Variants in PIEZO2 observed in about 807,000 individuals in gnomAD.
PIEZO2 encodes the protein piezo-type mechanosensitive ion channel component 2.
Under a neutral mutation model 337.3 loss-of-function variants are expected in PIEZO2, and 172 were observed. That is an observed-to-expected ratio of 0.51 (90% CI 0.45 to 0.58). PIEZO2 has a LOEUF of 0.58. Ranked by LOEUF, PIEZO2 falls within the 20% of genes least tolerant of loss-of-function variation. The pLI, the probability that PIEZO2 is intolerant of heterozygous loss-of-function variation, is 0.00. For missense variants in PIEZO2, 3,028 were observed against 3,391.3 expected, an observed-to-expected ratio of 0.89 and a Z score of 2.66; for synonymous variants, 1,251 against 1,228.5, an observed-to-expected ratio of 1.02 and a Z score of -0.38.
chr18:10,941,549 A>G (rs2032725017), intron 3 of PIEZO2, among the ~76,000 whole-genome samples: 1 of 152,238 alleles, frequency 6.6e-6, no homozygotes, highest in South Asian at 2.1e-4. Flanking sequence ...ATTGCCTAGT[A>G]GAAGCAAACA....
At position 11,048,624 on chromosome 18, in the gene PIEZO2, A is replaced by G. The variant is rs533979609; in HGVS notation, c.160+17503T>C. Among the ~76,000 whole-genome samples, 3 of 152,232 alleles carry G rather than the reference A, an allele frequency of 2.0e-5. No homozygotes were observed. The highest frequency in any genetic ancestry group is 4.4e-5 in the Non-Finnish European group (3 of 68,038). ...GGGAAATGCTTATATAGATAACTGAATTATTTATATTAGAAGCTTTCACTC... is the reference window on the plus strand; with the variant it reads ...GGGAAATGCTTATATAGATAACTGAGTTATTTATATTAGAAGCTTTCACTC... On this transcript the variant is annotated intron_variant, in intron 2 of 55. Transcript: ENST00000674853. The surrounding 1 kb of genome is among the most constrained non-coding windows in gnomAD (Gnocchi z 4.5).
chr18:11,024,876 T>C (rs2036475865), intron 2 of PIEZO2, among the ~76,000 whole-genome samples: 1 of 151,592 alleles, frequency 6.6e-6, no homozygotes, highest in Admixed American at 6.6e-5. Flanking sequence ...TGATCTTAGG[T>C]GATCTGCCCC....
chr18:11,068,862 A>G (rs892163978), intron 1 of PIEZO2, among the ~76,000 whole-genome samples: 2 of 152,180 alleles, frequency 1.3e-5, no homozygotes, highest in African/African-American at 4.8e-5. Context: ...TCACATGAGT[A>G]TAAAGGATTA....
intron 14 of PIEZO2, among the ~76,000 whole-genome samples, chr18:10,790,536 G>A (rs116558341): frequency 1.6e-4 from 24 of 152,218 alleles, no homozygotes; most frequent in African/African-American, 5.8e-4. Context: ...TTTTTACATT[G>A]TGGTATACTA....
chr18:10,821,753 T>C lies in PIEZO2; in HGVS notation c.918-14479A>G, dbSNP rs1174169495. ...TCCCTGTCTCTCACCATTTACAACATAGACCTCAGGTGAACATACATCCTC... is the reference window on the plus strand; with the variant it reads ...TCCCTGTCTCTCACCATTTACAACACAGACCTCAGGTGAACATACATCCTC... On this transcript the variant is annotated intron_variant, in intron 7 of 55. Transcript: ENST00000674853. The surrounding 1 kb of genome is among the most constrained non-coding windows in gnomAD (Gnocchi z 4.2). 1.3e-5 allele frequency among the ~76,000 whole-genome samples: 2 copies of C among 152,182 alleles called. No individual in the cohort carries two copies.
At chr18:11,044,827 T>G (rs80294999) in intron 2 of PIEZO2, among the ~76,000 whole-genome samples, 52 of 152,254 alleles carry the variant, frequency 3.4e-4, no homozygotes, top group African/African-American at 1.2e-3. Flanking sequence ...CAATACATAA[T>G]CTTGTGTTAT....
At chr18:11,056,982 T>A (rs78314742) in intron 2 of PIEZO2, among the ~76,000 whole-genome samples, 1 of 152,226 alleles carries the variant, frequency 6.6e-6, no homozygotes, top group African/African-American at 2.4e-5. Flanking sequence ...ATTCTGTGCA[T>A]TGAATGAAGA....
At position 10,682,406 on chromosome 18, in the gene PIEZO2, C is replaced by T; in HGVS notation, c.7498-114G>A. The T allele has an allele frequency of 1.1e-6, 1 of 931,936 alleles. No homozygotes were observed. Among genetic ancestry groups the T allele is most frequent in the Non-Finnish European group, 1.6e-6 (1 of 636,962 alleles). The allele number at this position is 931,936 out of a possible 1,614,324, so 57.7% of individuals were successfully genotyped here. A position where few individuals can be genotyped will look rare whatever the true frequency, so the allele number is the denominator to read the frequency against. ...TGTGGTGCTGGGAACATGGATTTGG[C>T]CCTGAATCTTCTCTGTTCGCTCTGA... On this transcript the variant is annotated intron_variant, in intron 49 of 55. Transcript: ENST00000674853. The surrounding 1 kb of genome is among the most constrained non-coding windows in gnomAD (Gnocchi z 5.6).
intron 11 of PIEZO2, 94 bp downstream of exon 11, chr18:10,800,243 T>TA: frequency 1.4e-6 from 2 of 1,449,266 alleles, no homozygotes; most frequent in Non-Finnish European, 1.8e-6. Context: ...ATACAGTTTT[T>TA]AAAAAAATAA....
intron 1 of PIEZO2, among the ~76,000 whole-genome samples, chr18:11,089,535 A>G (rs9954447): frequency 0.57 from 86,835 of 152,032 alleles, 26,252 homozygotes; most frequent in African/African-American, 0.78. Flanking sequence ...AAGACAGGCA[A>G]GGAGGGCAGC....
intron 7 of PIEZO2, among the ~76,000 whole-genome samples, chr18:10,814,259 G>A (rs540266012): frequency 5.9e-5 from 9 of 151,668 alleles, no homozygotes; most frequent in Non-Finnish European, 8.8e-5. Flanking sequence ...ATGAGCCACC[G>A]TGCCCCGTCC....
chr18:10,886,761 C>T (rs948508698), intron 4 of PIEZO2, among the ~76,000 whole-genome samples: 3 of 151,762 alleles, frequency 2.0e-5, no homozygotes, highest in Non-Finnish European at 4.4e-5. Context: ...AATGGCTGAT[C>T]AGGGGGAACT....
At chr18:11,091,768 C>T (rs2039099758) in intron 1 of PIEZO2, among the ~76,000 whole-genome samples, 1 of 152,160 alleles carries the variant, frequency 6.6e-6, no homozygotes, top group Non-Finnish European at 1.5e-5. Context: ...AATATGTTCT[C>T]TGGGATAAAG....
chr18:11,130,927 C>G (rs2040322691), intron 1 of PIEZO2, among the ~76,000 whole-genome samples: 1 of 152,238 alleles, frequency 6.6e-6, no homozygotes, highest in African/African-American at 2.4e-5. Context: ...GCTGTACAAG[C>G]TGCTCTGCCA....
chr18:11,024,861 A>T (rs1284602397), intron 2 of PIEZO2, among the ~76,000 whole-genome samples: 1 of 151,474 alleles, frequency 6.6e-6, no homozygotes, highest in Non-Finnish European at 1.5e-5. Context: ...GGGGTCTCGA[A>T]CTCCTGATCT....
intron 7 of PIEZO2, among the ~76,000 whole-genome samples, chr18:10,831,101 T>C (rs1598549366): frequency 2.0e-5 from 3 of 152,128 alleles, no homozygotes; most frequent in Admixed American, 2.0e-4. Context: ...ACAACCCCTA[T>C]GGAAAACAGT....
intron 7 of PIEZO2, among the ~76,000 whole-genome samples, chr18:10,840,159 T>C (rs974870573): frequency 3.3e-5 from 5 of 152,236 alleles, no homozygotes; most frequent in African/African-American, 4.8e-5. Context: ...ATGTGTAACA[T>C]GTACCATGGA....
chr18:10,896,853 C>G (rs2042915281), intron 4 of PIEZO2, among the ~76,000 whole-genome samples: 1 of 152,188 alleles, frequency 6.6e-6, no homozygotes, highest in African/African-American at 2.4e-5. Context: ...TGCTCACCAC[C>G]TACTGCCAAA....
Position 10,757,983 on chromosome 18 carries a change from A to G in PIEZO2, c.3909T>C (p.Asp1303=), listed in dbSNP as rs1205394071. 6.5e-7 allele frequency: 1 copy of G among 1,535,796 alleles called. No individual in the cohort carries two copies. Among genetic ancestry groups the G allele is most frequent in the Non-Finnish European group, 8.7e-7 (1 of 1,146,334 alleles). ...ASFSQHNPVP[D]FIHCRSYLDM... The stretch of plus-strand genomic sequence containing the variant: ...GCTCTTGTTACCTGCAGTGAATAAA[A>G]TCTGGCACAGGGTTATGTTGGCTGA... The change falls in exon 27 of 56, where the codon GAT becomes GAC. Residue 1303 remains aspartate (D), a synonymous_variant. Coordinates refer to ENST00000674853, the MANE Select transcript of PIEZO2 (RefSeq NM_001378183.1).
Sources: gnomAD v4.1 joint callset for allele counts (sites outside exome capture counted in the v4.1 genomes callset) on GRCh38, gnomAD v4.1.1 for gene constraint, Gnocchi (gnomAD v3.1) non-coding constraint, MANE v1.5 for transcripts, NCBI Gene and HGNC (gene_info 2026-07-23, HGNC 2026-07-21) for gene names.